The following CSMD1 variants were observed in gnomAD, a reference collection of about 807,000 sequenced individuals.
CSMD1 encodes CUB and Sushi multiple domains 1.
In CSMD1, 213 loss-of-function variants were observed where a neutral mutation model predicts 417.5. The observed-to-expected ratio is 0.51, with a 90% CI of 0.46 to 0.57. CSMD1 has a LOEUF of 0.57. Among genes scored for constraint, CSMD1 ranks in the 20% least tolerant of loss-of-function variants. The probability of loss-of-function intolerance (pLI) is 0.00; values close to 1 mark genes in which losing one functional copy is unlikely to be tolerated. For missense variants in CSMD1, 6,923 were observed against 4,529.7 expected, an observed-to-expected ratio of 1.53 and a Z score of -15.17; for synonymous variants, 2,862 against 1,736.8, an observed-to-expected ratio of 1.65 and a Z score of -16.11.
At chr8:4,312,726 G>T (rs1798700876) in intron 3 of CSMD1, among the ~76,000 whole-genome samples, 1 of 151,938 alleles carries the variant, frequency 6.6e-6, no homozygotes, top group African/African-American at 2.4e-5. Context: ...ACGAAAAAAT[G>T]AGCCAGGCGT....
At chr8:3,456,556 C>G (rs956639058) in intron 12 of CSMD1, among the ~76,000 whole-genome samples, 4 of 152,154 alleles carry the variant, frequency 2.6e-5, no homozygotes, top group African/African-American at 9.7e-5. Context: ...TTTCACTTAG[C>G]ATCATTGCAT....
rs922028863 is a variant in CSMD1, at chr8:3,943,549, A to G, written c.818+54354T>C. 3.9e-5 allele frequency among the ~76,000 whole-genome samples: 6 copies of G among 152,198 alleles called. No individual in the cohort carries two copies. In the East Asian group the frequency reaches 5.8e-4, roughly 15 times the overall value. ...GTACAGAGATTCAAAGAATCTCTCA[A>G]AAAATATGTATTATTTACAAAAAGA... On this transcript the variant is annotated intron_variant, in intron 5 of 69. Transcript: ENST00000635120.
intron 49 of CSMD1, among the ~76,000 whole-genome samples, chr8:3,077,165 C>A (rs1813743632): frequency 6.6e-6 from 1 of 152,146 alleles, no homozygotes. Flanking sequence ...CAGAATCGTG[C>A]AGGGCTGGGA....
chr8:4,025,604 A>G (rs937636563), intron 4 of CSMD1, among the ~76,000 whole-genome samples: 5 of 152,234 alleles, frequency 3.3e-5, no homozygotes, highest in African/African-American at 1.2e-4. Flanking sequence ...ATCCTTTTTA[A>G]GACTGGCAGA....
chr8:4,272,340 A>T lies in CSMD1; in HGVS notation c.415+147613T>A, dbSNP rs1804656275. 2.0e-5 allele frequency among the ~76,000 whole-genome samples: 3 copies of T among 152,308 alleles called. No individual in the cohort carries two copies. In the South Asian group the frequency reaches 6.2e-4, roughly 32 times the overall value. On this transcript the variant is annotated intron_variant, in intron 3 of 69. Transcript: ENST00000635120. ...TAACAAAACTACATTGAACAAAAGC[A>T]TGTTATTCCACTAATTGCTGTACAT...
chr8:4,558,389 T>C (rs1798184935), intron 2 of CSMD1, among the ~76,000 whole-genome samples: 1 of 152,202 alleles, frequency 6.6e-6, no homozygotes, highest in Non-Finnish European at 1.5e-5. Flanking sequence ...AACGTATTTT[T>C]CAAATTAATA....
intron 8 of CSMD1, among the ~76,000 whole-genome samples, chr8:3,593,009 G>A (rs1004861283): frequency 7.2e-5 from 11 of 152,210 alleles, no homozygotes; most frequent in East Asian, 3.9e-4. Context: ...AGAACTCCTG[G>A]CCTGTGCTTG....
At chr8:4,095,201 G>A (rs573922883) in intron 3 of CSMD1, among the ~76,000 whole-genome samples, 8 of 152,140 alleles carry the variant, frequency 5.3e-5, no homozygotes, top group Non-Finnish European at 1.2e-4. Context: ...AAACTGGTTT[G>A]GTTACAACGT....
chr8:4,638,674 G>A (rs1438046508), intron 1 of CSMD1, among the ~76,000 whole-genome samples: 2 of 152,270 alleles, frequency 1.3e-5, no homozygotes, highest in South Asian at 2.1e-4. Flanking sequence ...TCCCTAAGCA[G>A]GACAGCAGGA....
chr8:4,457,353 G>C (rs1019076732), intron 2 of CSMD1, among the ~76,000 whole-genome samples: 1 of 152,062 alleles, frequency 6.6e-6, no homozygotes, highest in East Asian at 1.9e-4. Context: ...AGGGGTTTGC[G>C]GAGGAAGAAG....
intron 1 of CSMD1, among the ~76,000 whole-genome samples, chr8:4,823,822 C>T (rs909512701): frequency 4.0e-5 from 6 of 151,766 alleles, no homozygotes; most frequent in African/African-American, 9.7e-5. Flanking sequence ...AAAAAGAAAG[C>T]TCACAGAGGT....
intron 3 of CSMD1, among the ~76,000 whole-genome samples, chr8:4,307,328 T>G (rs184994306): frequency 1.3e-5 from 2 of 152,266 alleles, no homozygotes; most frequent in African/African-American, 4.8e-5. Flanking sequence ...CATGTCCACA[T>G]TGAGGCTGAA....
chr8:4,145,772 G>A (rs1050743061), intron 3 of CSMD1, among the ~76,000 whole-genome samples: 5 of 151,012 alleles, frequency 3.3e-5, no homozygotes, highest in East Asian at 3.9e-4. Flanking sequence ...CAGGTTCTGC[G>A]TCAGCTCGCA....
At chr8:4,846,856 T>C (rs1010222973) in intron 1 of CSMD1, among the ~76,000 whole-genome samples, 1 of 152,198 alleles carries the variant, frequency 6.6e-6, no homozygotes, top group African/African-American at 2.4e-5. Context: ...ATATCAACTA[T>C]ATCTGTAAAT....
At chr8:4,642,485 A>G (rs192206764) in intron 1 of CSMD1, among the ~76,000 whole-genome samples, 52 of 152,296 alleles carry the variant, frequency 3.4e-4, no homozygotes, top group Non-Finnish European at 6.5e-4. Flanking sequence ...AGCAGCTGAG[A>G]TGATTCATCT....
intron 3 of CSMD1, among the ~76,000 whole-genome samples, chr8:4,174,338 A>G (rs78829373): frequency 0.022 from 3,376 of 152,216 alleles, 143 homozygotes; most frequent in African/African-American, 0.076. Flanking sequence ...TTCCCGTTTT[A>G]CAGATTAAAG....
intron 1 of CSMD1, among the ~76,000 whole-genome samples, chr8:4,904,506 C>A (rs112479011): frequency 6.6e-6 from 1 of 152,098 alleles, no homozygotes; most frequent in Admixed American, 6.5e-5. Flanking sequence ...TGACTCAGAG[C>A]CTACTACCCT....
At chr8:3,675,106 G>C (rs1157666196) in intron 7 of CSMD1, among the ~76,000 whole-genome samples, 1 of 152,148 alleles carries the variant, frequency 6.6e-6, no homozygotes, top group Non-Finnish European at 1.5e-5. Context: ...TTGAAGAGAT[G>C]CAGTGGCCTC....
chr8:4,890,417 C>T (rs1000214921), intron 1 of CSMD1, among the ~76,000 whole-genome samples: 12 of 150,430 alleles, frequency 8.0e-5, no homozygotes, highest in Admixed American at 5.3e-4. Context: ...CAGGTGAGAG[C>T]GTGACTCCGA....
Sources: gnomAD v4.1 joint callset for allele counts (sites outside exome capture counted in the v4.1 genomes callset) on GRCh38, gnomAD v4.1.1 for gene constraint, MANE v1.5 for transcripts, NCBI Gene and HGNC (gene_info 2026-07-23, HGNC 2026-07-21) for gene names.